Variants in TMEM132D observed in about 807,000 individuals in gnomAD.
TMEM132D encodes mature OL transmembrane protein.
TMEM132D carries 21 observed loss-of-function variants against 62.3 expected under a neutral mutation model. The ratio of observed to expected loss-of-function variants is 0.34; its 90% CI spans 0.24 to 0.49. TMEM132D has a LOEUF of 0.49. Among genes scored for constraint, TMEM132D ranks in the 20% least tolerant of loss-of-function variants. TMEM132D has a pLI of 0.99. For missense variants in TMEM132D, 1,346 were observed against 1,402.8 expected, an observed-to-expected ratio of 0.96 and a Z score of 0.65; for synonymous variants, 621 against 575.6, an observed-to-expected ratio of 1.08 and a Z score of -1.13.
At chr12:129,474,123 C>T (rs1258242953) in intron 3 of TMEM132D, among the ~76,000 whole-genome samples, 1 of 152,170 alleles carries the variant, frequency 6.6e-6, no homozygotes, top group Non-Finnish European at 1.5e-5. Flanking sequence ...TAATTCAGGT[C>T]AATGAGCAAC....
intron 3 of TMEM132D, among the ~76,000 whole-genome samples, chr12:129,356,697 T>A (rs1369047196): frequency 7.1e-6 from 1 of 141,012 alleles, no homozygotes; most frequent in Non-Finnish European, 1.6e-5. Context: ...AATAAATAAA[T>A]AAAATAAAAA....
At chr12:129,146,712 C>T (rs1876909079) in intron 5 of TMEM132D, among the ~76,000 whole-genome samples, 1 of 152,162 alleles carries the variant, frequency 6.6e-6, no homozygotes, top group Non-Finnish European at 1.5e-5. Context: ...ACCCAGCTGG[C>T]AAACTGCTAC....
At chr12:129,731,277 G>A (rs537107372) in intron 1 of TMEM132D, among the ~76,000 whole-genome samples, 89 of 152,112 alleles carry the variant, frequency 5.9e-4, no homozygotes, top group African/African-American at 2.1e-3. Context: ...CCAAACACAC[G>A]ATTACTGCCC....
intron 3 of TMEM132D, among the ~76,000 whole-genome samples, chr12:129,423,475 A>G (rs1872389235): frequency 6.6e-6 from 1 of 152,208 alleles, no homozygotes; most frequent in African/African-American, 2.4e-5. Context: ...ATGGATTTCA[A>G]GAGCCAAATC....
chr12:129,794,253 ATTTT>A (rs3046861), intron 1 of TMEM132D, among the ~76,000 whole-genome samples: 2,725 of 111,544 alleles, frequency 0.024, 104 homozygotes, highest in African/African-American at 0.087. Context: ...CATGCCCAGC[ATTTT>A]TTTTTTTTTT....
intron 3 of TMEM132D, 69 bp downstream of exon 3, chr12:129,530,990 G>GCAAA (rs778001774): frequency 8.7e-6 from 11 of 1,268,396 alleles, no homozygotes; most frequent in Admixed American, 5.1e-5. Context: ...AGCAATCTAG[G>GCAAA]AAAAAAAAAA....
At chr12:129,292,125 T>C (rs1033138337) in intron 4 of TMEM132D, among the ~76,000 whole-genome samples, 2 of 152,158 alleles carry the variant, frequency 1.3e-5, no homozygotes, top group Non-Finnish European at 2.9e-5. Context: ...TTAATAAAGA[T>C]CAACATTCAC....
At chr12:129,778,997 T>C (rs1387737803) in intron 1 of TMEM132D, among the ~76,000 whole-genome samples, 2 of 152,198 alleles carry the variant, frequency 1.3e-5, no homozygotes, top group East Asian at 1.9e-4. Flanking sequence ...CTCACGTAAA[T>C]ACTATCTAGT....
intron 2 of TMEM132D, among the ~76,000 whole-genome samples, chr12:129,691,351 A>G (rs1028788775): frequency 9.9e-5 from 15 of 151,988 alleles, no homozygotes; most frequent in Non-Finnish European, 1.6e-4. Context: ...AATCAATGAA[A>G]TTGAAAATAG....
At chr12:129,749,821 A>G (rs1869942145) in intron 1 of TMEM132D, among the ~76,000 whole-genome samples, 1 of 152,050 alleles carries the variant, frequency 6.6e-6, no homozygotes, top group South Asian at 2.1e-4. Context: ...GAGTATGTAG[A>G]CCTGGCTCAC....
intron 4 of TMEM132D, among the ~76,000 whole-genome samples, chr12:129,332,809 G>A (rs1869150860): frequency 6.6e-6 from 1 of 152,132 alleles, no homozygotes; most frequent in African/African-American, 2.4e-5. Flanking sequence ...CAATGGAAAA[G>A]TTAGGATCGC....
intron 2 of TMEM132D, among the ~76,000 whole-genome samples, chr12:129,648,312 C>T (rs1879837573): frequency 6.6e-6 from 1 of 152,122 alleles, no homozygotes; most frequent in Non-Finnish European, 1.5e-5. Flanking sequence ...TTTGACTCCC[C>T]ATGATTTCAT....
chr12:129,286,033 G>A (rs1310962445), intron 4 of TMEM132D, among the ~76,000 whole-genome samples: 1 of 152,182 alleles, frequency 6.6e-6, no homozygotes, highest in Admixed American at 6.5e-5. Context: ...TAACAAGAAA[G>A]ATTTATTTTA....
chr12:129,115,851 G>A (rs1431469717), intron 5 of TMEM132D, among the ~76,000 whole-genome samples: 2 of 152,234 alleles, frequency 1.3e-5, no homozygotes, highest in African/African-American at 2.4e-5. Flanking sequence ...GGAGCTCTCA[G>A]GGGGCATGTG....
intron 3 of TMEM132D, among the ~76,000 whole-genome samples, chr12:129,474,623 C>T (rs577548915): frequency 1.3e-5 from 2 of 152,186 alleles, no homozygotes; most frequent in Middle Eastern, 3.2e-3. Context: ...CCAGCCTTCT[C>T]GTCCCTTCGC....
At chr12:129,586,823 G>T (rs1381363876) in intron 2 of TMEM132D, among the ~76,000 whole-genome samples, 2 of 152,130 alleles carry the variant, frequency 1.3e-5, no homozygotes, top group Non-Finnish European at 2.9e-5. Flanking sequence ...TACATAACAT[G>T]ATGAAGGTGG....
At chr12:129,638,719 G>A (rs1879560612) in intron 2 of TMEM132D, among the ~76,000 whole-genome samples, 1 of 151,860 alleles carries the variant, frequency 6.6e-6, no homozygotes, top group Non-Finnish European at 1.5e-5. Context: ...TTGCTAAAAT[G>A]TCTTCTGAGC....
chr12:129,236,507 TC>T (rs1309911042), intron 4 of TMEM132D, among the ~76,000 whole-genome samples: 3 of 102,402 alleles, frequency 2.9e-5, no homozygotes, highest in African/African-American at 1.3e-4. Context: ...GGAGTGAGAC[TC>T]CATCTCAAAA....
chr12:129,873,097 G>A (rs1222972603), intron 1 of TMEM132D, among the ~76,000 whole-genome samples: 2 of 152,150 alleles, frequency 1.3e-5, no homozygotes, highest in African/African-American at 4.8e-5. Flanking sequence ...AAAAAGAAAG[G>A]TAGGGAGACG....
Sources: gnomAD v4.1 joint callset for allele counts (sites outside exome capture counted in the v4.1 genomes callset) on GRCh38, gnomAD v4.1.1 for gene constraint, MANE v1.5 for transcripts, NCBI Gene and HGNC (gene_info 2026-07-23, HGNC 2026-07-21) for gene names.